The following RNF220 variants were observed in gnomAD, a reference collection of about 807,000 sequenced individuals.
RNF220 encodes the protein E3 ubiquitin-protein ligase RNF220.
Under a neutral mutation model 67.1 loss-of-function variants are expected in RNF220, and 7 were observed. The observed-to-expected ratio is 0.10, with a 90% CI of 0.06 to 0.20. The LOEUF (loss-of-function observed/expected upper bound fraction) is 0.20. Among genes scored for constraint, RNF220 ranks in the 10% least tolerant of loss-of-function variants. The pLI is 1.00. For missense variants in RNF220, 565 were observed against 740.3 expected (o/e 0.76, Z 2.75); for synonymous variants, 270 against 283.2 (o/e 0.95, Z 0.47).
intron 2 of RNF220, among the ~76,000 whole-genome samples, chr1:44,566,002 C>G (rs1201732008): frequency 6.6e-6 from 1 of 152,208 alleles, no homozygotes; most frequent in African/African-American, 2.4e-5. Flanking sequence ...TCCGATCTAT[C>G]AGAGGGGCAC....
At chr1:44,640,597 G>A (rs1307887231) in intron 8 of RNF220, among the ~76,000 whole-genome samples, 7 of 152,242 alleles carry the variant, frequency 4.6e-5, no homozygotes, top group South Asian at 2.1e-4. Flanking sequence ...AGTGAAACGC[G>A]TTATCGAGGA....
intron 2 of RNF220, among the ~76,000 whole-genome samples, chr1:44,480,428 A>G (rs1655694006): frequency 6.6e-6 from 1 of 151,916 alleles, no homozygotes; most frequent in Non-Finnish European, 1.5e-5. Flanking sequence ...TTAATTAATT[A>G]AGTGATTGCA....
chr1:44,536,890 G>A (rs1022903572), intron 2 of RNF220, among the ~76,000 whole-genome samples: 27 of 151,974 alleles, frequency 1.8e-4, no homozygotes, highest in Admixed American at 1.5e-3. Context: ...CTAACTGCAC[G>A]CCGGATTAGC....
intron 2 of RNF220, among the ~76,000 whole-genome samples, chr1:44,492,158 C>T (rs553387488): frequency 3.9e-5 from 6 of 152,194 alleles, no homozygotes; most frequent in Admixed American, 2.6e-4. Context: ...GGCAAACCCA[C>T]GAAAAATATT....
Position 44,614,161 on chromosome 1 carries a change from C to G in RNF220, c.626-4C>G. ...GCGTCTGTCTGTTCTTCTCCCCTCA[C>G]TAGGTAAGAAGAAAGCAGCGGCATT... On this transcript the variant is annotated splice_polypyrimidine_tract_variant and splice_region_variant and intron_variant, in intron 2 of 14. Transcript: ENST00000361799. The G allele has an allele frequency of 6.2e-7, 1 of 1,614,158 alleles. No homozygotes were observed. Among genetic ancestry groups the G allele is most frequent in the Non-Finnish European group, 8.5e-7 (1 of 1,180,002 alleles).
At position 44,600,158 on chromosome 1, in the gene RNF220, A is replaced by G. The variant is rs1666822695; in HGVS notation, c.626-14007A>G. Reference sequence around the variant, plus strand: ...TCTGGATAGTGGTACCATTCACTGAAACCAAAAGCAGGAGGAGGGCAGGTC... The same window carrying G: ...TCTGGATAGTGGTACCATTCACTGAGACCAAAAGCAGGAGGAGGGCAGGTC... On this transcript the variant is annotated intron_variant, in intron 2 of 14. Transcript: ENST00000361799. This position sits in a 1 kb window ranked among gnomAD's most constrained non-coding sequence, Gnocchi z 4.0. 6.6e-6 allele frequency among the ~76,000 whole-genome samples: 1 copy of G among 152,168 alleles called. No homozygotes were observed. Among genetic ancestry groups the G allele is most frequent in the Admixed American group, 6.5e-5 (1 of 15,282 alleles).
intron 2 of RNF220, among the ~76,000 whole-genome samples, chr1:44,503,609 A>G (rs985992553): frequency 7.2e-5 from 11 of 152,314 alleles, no homozygotes; most frequent in African/African-American, 2.4e-4. Flanking sequence ...GCCCTCTGCC[A>G]CATCACCTCC....
chr1:44,573,840 G>A (rs530566853), intron 2 of RNF220, among the ~76,000 whole-genome samples: 4 of 152,316 alleles, frequency 2.6e-5, no homozygotes, highest in East Asian at 1.9e-4. Context: ...AGGGCTGGGC[G>A]TGGTGGCTCA....
At chr1:44,573,692 A>G (rs1664606249) in intron 2 of RNF220, among the ~76,000 whole-genome samples, 2 of 152,324 alleles carry the variant, frequency 1.3e-5, no homozygotes, top group Admixed American at 6.5e-5. Flanking sequence ...ATGGTAGTTG[A>G]TTTCATGGAA....
rs759249294 is a variant in RNF220 at position 44,410,984 on chromosome 1, A to G, written c.-117-997A>G. Among the ~76,000 whole-genome samples the G allele has an allele frequency of 2.0e-4, 31 of 152,204 alleles. 1 individual carries two copies. Among genetic ancestry groups the G allele is most frequent in the Admixed American group, 5.9e-4 (9 of 15,282 alleles). ...CTGAAAGAAGTCTCTCCGAACTCCA[A>G]TTTGTTCCGGGGGCCTTTATTGGAC... On this transcript the variant is annotated intron_variant, in intron 1 of 14. Coordinates refer to ENST00000361799, the MANE Select transcript of RNF220 (RefSeq NM_018150.4).
chr1:44,522,320 C>A (rs993355022), intron 2 of RNF220, among the ~76,000 whole-genome samples: 1 of 152,152 alleles, frequency 6.6e-6, no homozygotes. Context: ...TAAAGTAGGA[C>A]TAATAATATC....
intron 2 of RNF220, among the ~76,000 whole-genome samples, chr1:44,415,143 A>G (rs538014001): frequency 6.6e-5 from 10 of 150,930 alleles, no homozygotes; most frequent in African/African-American, 2.4e-4. Context: ...TTGAAGAGGC[A>G]CTAAGACAAA....
In RNF220 at chr1:44,650,479, G is replaced by A; in HGVS notation, c.1630-225G>A. On this transcript the variant is annotated intron_variant, in intron 14 of 14. Coordinates refer to ENST00000361799, the MANE Select transcript of RNF220 (RefSeq NM_018150.4). The surrounding 1 kb of genome is among the most constrained non-coding windows in gnomAD (Gnocchi z 4.3). Reference sequence around the variant, plus strand: ...GGACCCAGCCTTGTTCTCATTACTGGGGCTCCTGCTGCGGGGCTGGCCAGG... The same window carrying A: ...GGACCCAGCCTTGTTCTCATTACTGAGGCTCCTGCTGCGGGGCTGGCCAGG... 1 of 583,242 alleles carries A rather than the reference G, an allele frequency of 1.7e-6. No individual in the cohort carries two copies. Among genetic ancestry groups the A allele is most frequent in the Non-Finnish European group, 3.1e-6 (1 of 324,762 alleles). The allele number at this position is 583,242 out of a possible 1,614,324, so 36.1% of individuals were successfully genotyped here.
At chr1:44,468,904 G>A (rs776280809) in intron 2 of RNF220, among the ~76,000 whole-genome samples, 8 of 145,590 alleles carry the variant, frequency 5.5e-5, no homozygotes, top group African/African-American at 7.6e-5. Context: ...GCAACAGAGC[G>A]AGACTCTGTC....
intron 2 of RNF220, among the ~76,000 whole-genome samples, chr1:44,487,383 A>G (rs1013748164): frequency 2.0e-5 from 3 of 151,546 alleles, no homozygotes; most frequent in Admixed American, 1.3e-4. Context: ...AAAATAAAAA[A>G]TAAAATAAAA....
intron 2 of RNF220, among the ~76,000 whole-genome samples, chr1:44,587,209 AC>A (rs1250740691): frequency 7.0e-6 from 1 of 142,706 alleles, no homozygotes; most frequent in East Asian, 2.0e-4. Flanking sequence ...GTGCAGTGGC[AC>A]AATCTCGGCT....
intron 2 of RNF220, chr1:44,419,772 G>C (rs1649004316): frequency 6.6e-6 from 1 of 152,156 alleles, no homozygotes; most frequent in Non-Finnish European, 1.5e-5. Context: ...AAGGTAGGGA[G>C]GGAGTTTTCC....
chr1:44,534,056 C>T (rs180915721), intron 2 of RNF220, among the ~76,000 whole-genome samples: 2 of 152,142 alleles, frequency 1.3e-5, no homozygotes, highest in Non-Finnish European at 1.5e-5. Flanking sequence ...ACTTACTATA[C>T]CTTGGCCTCC....
intron 2 of RNF220, among the ~76,000 whole-genome samples, chr1:44,496,242 G>C (rs1309013655): frequency 1.3e-5 from 2 of 152,200 alleles, no homozygotes; most frequent in African/African-American, 4.8e-5. Context: ...CTGAATTTCA[G>C]GTGCCTATGG....
Sources: gnomAD v4.1 joint callset for allele counts (sites outside exome capture counted in the v4.1 genomes callset) on GRCh38, gnomAD v4.1.1 for gene constraint, Gnocchi (gnomAD v3.1) non-coding constraint, MANE v1.5 for transcripts, NCBI Gene and HGNC (gene_info 2026-07-23, HGNC 2026-07-21) for gene names.